The following PLOD3 variants were observed in gnomAD, a reference collection of about 807,000 sequenced individuals.
PLOD3 encodes procollagen-lysine,2-oxoglutarate 5-dioxygenase 3.
Under a neutral mutation model 96.9 loss-of-function variants are expected in PLOD3, and 73 were observed. The ratio of observed to expected loss-of-function variants is 0.75; its 90% confidence interval spans 0.62 to 0.92. PLOD3 has a LOEUF of 0.92. Ranked by LOEUF, PLOD3 falls within the 40% of genes least tolerant of loss-of-function variation. The probability of loss-of-function intolerance (pLI) is 0.00; values close to 1 mark genes in which losing one functional copy is unlikely to be tolerated. For missense variants in PLOD3, 1,004 were observed against 1,004.3 expected (o/e 1.00, Z 0.00); for synonymous variants, 454 against 413.7 (o/e 1.10, Z -1.18).
intron 17 of PLOD3, 135 bp from the exon 18 acceptor site, chr7:101,207,039 G>C (rs539170835): frequency 2.8e-6 from 3 of 1,085,398 alleles, no homozygotes; most frequent in East Asian, 2.6e-5. Flanking sequence ...ATCTTGGCTC[G>C]ATCTTGGCTC....
In PLOD3 at chr7:101,217,336, CAG is replaced by C; in HGVS notation, c.-64_-63del. On this transcript the variant is annotated 5_prime_UTR_variant, in exon 1 of 19. Coordinates refer to ENST00000223127, the MANE Select transcript of PLOD3 (RefSeq NM_001084.5). ...GGATCTCCGCTACGCGCCTGGATCC[CAG>C]CTCCGGAGGGGAGCTCTGGAAAGGG... 7.4e-7 allele frequency: 1 copy of C among 1,346,566 alleles called. No homozygotes were observed. Among genetic ancestry groups the C allele is most frequent in the Non-Finnish European group, 9.5e-7 (1 of 1,048,966 alleles). The allele number at this position is 1,346,566 out of a possible 1,614,324, so 83.4% of individuals were successfully genotyped here.
At chr7:101,214,524 C>A (rs561865282) in intron 6 of PLOD3, among the ~76,000 whole-genome samples, 4 of 152,288 alleles carry the variant, frequency 2.6e-5, no homozygotes, top group Non-Finnish European at 4.4e-5. Flanking sequence ...TAACCAGGGA[C>A]CTTCCCTTTG....
At position 101,217,362 on chromosome 7, in the gene PLOD3, G is replaced by C. The variant is rs1346443555; in HGVS notation, c.-88C>G. 2 of 1,285,784 alleles carry C rather than the reference G, an allele frequency of 1.6e-6. No homozygotes were observed. The highest frequency in any genetic ancestry group is 2.2e-5 in the South Asian group (1 of 45,012). The allele number at this position is 1,285,784 out of a possible 1,614,324, so 79.6% of individuals were successfully genotyped here. A position where few individuals can be genotyped will look rare whatever the true frequency, so the allele number is the denominator to read the frequency against. Reference sequence around the variant, plus strand: ...AGCTCCGGAGGGGAGCTCTGGAAAGGGGGCGCTCGGGCTGCTGTGCGGCCG... The same window carrying C: ...AGCTCCGGAGGGGAGCTCTGGAAAGCGGGCGCTCGGGCTGCTGTGCGGCCG... On this transcript the variant is annotated 5_prime_UTR_variant, in exon 1 of 19. Coordinates refer to ENST00000223127, the MANE Select transcript of PLOD3 (RefSeq NM_001084.5).
At chr7:101,209,036 AG>A (rs764814473) in intron 15 of PLOD3, 79 bp from the exon 16 acceptor site, 3 of 1,012,630 alleles carry the variant, frequency 3.0e-6, no homozygotes, top group Non-Finnish European at 4.7e-6. Flanking sequence ...CAGAATGGGA[AG>A]GGGCAGGGAG....
Position 101,206,308 on chromosome 7 carries a change from G to A in PLOD3, c.2190C>T (p.Tyr730=). 6.2e-7 allele frequency: 1 copy of A among 1,614,038 alleles called. No individual in the cohort carries two copies. The highest frequency in any genetic ancestry group is 8.5e-7 in the Non-Finnish European group (1 of 1,179,956). The part of the protein sequence containing the change: ...EGLPTTWGTR[Y]IMVSFVDP ...AGGGGTCGACAAAGGACACCATGATGTAGCGTGTGCCCCAGGTCGTTGGCA... is the reference window on the plus strand; with the variant it reads ...AGGGGTCGACAAAGGACACCATGATATAGCGTGTGCCCCAGGTCGTTGGCA... Residue 730 remains tyrosine (Y), a synonymous_variant, in exon 19 of 19, where the codon TAC becomes TAT. Transcript: ENST00000223127.
chr7:101,209,895 A>C (rs1798154105), intron 15 of PLOD3, 198 bp downstream of exon 15: 1 of 577,502 alleles, frequency 1.7e-6, no homozygotes, highest in Non-Finnish European at 3.1e-6. Flanking sequence ...CCCAATATAC[A>C]GGAGAAGAGG....
chr7:101,216,919 ACT>A, intron 1 of PLOD3, 133 bp from the exon 2 acceptor site: 4 of 785,234 alleles, frequency 5.1e-6, no homozygotes, highest in Non-Finnish European at 4.3e-6. Flanking sequence ...ACCCAGGAAC[ACT>A]CTGACCCCAA....
At position 101,217,208 on chromosome 7, in the gene PLOD3, A is replaced by T; in HGVS notation, c.67T>A (p.Ser23Thr). ...CGGCCCCGGGGCCGGTCGGAGGCTG[A>T]GGCCGCAGGGGGCAGCAGCAGCGGC... ...LLPLLLPPAA[S>T]ASDRPRGRDP... Residue 23 changes from serine (S) to threonine (T), a missense_variant, in exon 1 of 19, where the codon TCA becomes ACA. Ser to Thr is a moderately conservative substitution (Grantham distance 58). Around this residue, in one of 5 missense-constraint regions of PLOD3, gnomAD observed 690 missense variants for 650.2 expected, o/e 1.06. Coordinates refer to ENST00000223127, the MANE Select transcript of PLOD3 (RefSeq NM_001084.5). The T allele has an allele frequency of 6.7e-7, 1 of 1,500,424 alleles. No homozygotes were observed. Among genetic ancestry groups the T allele is most frequent in the Non-Finnish European group, 8.9e-7 (1 of 1,126,402 alleles). 92.9% of individuals were successfully genotyped at this position (1,500,424 alleles called of 1,614,324 possible). A position where few individuals can be genotyped will look rare whatever the true frequency, so the allele number is the denominator to read the frequency against.
chr7:101,210,898 T>G (rs1798171709), intron 12 of PLOD3: 1 of 550,170 alleles, frequency 1.8e-6, no homozygotes, highest in Admixed American at 3.1e-5. Context: ...TTTTGGTTTT[T>G]GAGACGGAGT....
At position 101,206,877 on chromosome 7, in the gene PLOD3, G is replaced by A. The variant is rs777964746; in HGVS notation, c.1963C>T (p.Arg655Cys). 30 of 1,559,842 alleles carry A rather than the reference G, an allele frequency of 1.9e-5. No homozygotes were observed. Among genetic ancestry groups the A allele is most frequent in the Admixed American group, 9.7e-5 (5 of 51,538 alleles). ...GACGGCTGCTCGTCTGGCCGGTAGCGAACCACAAAGTTCATCACCGCCCGC... is the reference window on the plus strand; with the variant it reads ...GACGGCTGCTCGTCTGGCCGGTAGCAAACCACAAAGTTCATCACCGCCCGC... ...KARAVMNFVV[R>C]YRPDEQPSLR... Residue 655 changes from arginine (R) to cysteine (C), a missense_variant, in exon 18 of 19, where the codon CGC (arginine) becomes TGC (cysteine). This residue lies in a region of PLOD3 where 222 missense variants were observed against 220.4 expected (regional missense o/e 1.01). Transcript: ENST00000223127.
Position 101,216,307 on chromosome 7 carries a change from C to T in PLOD3, c.358G>A (p.Gly120Ser), listed in dbSNP as rs759638439. 1.9e-6 allele frequency: 3 copies of T among 1,613,338 alleles called. No individual in the cohort carries two copies. The highest frequency in any genetic ancestry group is 1.1e-5 in the South Asian group (1 of 91,078). ...TTCTTCAGCAGCTCTGTGGGGCTGC[C>T]GGCCAGAATCACGTCGTAGCTGGGT... Reference protein sequence around the residue: ...FVDSYDVILAGSPTELLKKFV... With the variant: ...FVDSYDVILASSPTELLKKFV... The change falls in exon 4 of 19, where the codon GGC (glycine) becomes AGC (serine). Residue 120 changes from glycine (G) to serine (S), a missense_variant. Coordinates refer to ENST00000223127, the MANE Select transcript of PLOD3 (RefSeq NM_001084.5).
At position 101,217,524 on chromosome 7, in the gene PLOD3, C is replaced by A. The variant is rs1030845026; in HGVS notation, c.-250G>T. ...ACGGGAGGCGGGGGAGGGGCGGCGG[C>A]TCGGGCCGGCGGGCGGGAGACAGGG... On this transcript the variant is annotated 5_prime_UTR_variant, in exon 1 of 19. Coordinates refer to ENST00000223127, the MANE Select transcript of PLOD3 (RefSeq NM_001084.5). 2.1e-6 allele frequency: 1 copy of A among 473,114 alleles called. No homozygotes were observed. Among genetic ancestry groups the A allele is most frequent in the Non-Finnish European group, 3.7e-6 (1 of 270,410 alleles). The allele number at this position is 473,114 out of a possible 1,614,324, so 29.3% of individuals were successfully genotyped here.
intron 7 of PLOD3, 33 bp from the exon 8 acceptor site, chr7:101,212,976 G>T (rs1421764552): frequency 2.0e-6 from 3 of 1,511,438 alleles, no homozygotes; most frequent in Non-Finnish European, 2.8e-6. Context: ...GAGTGGCTGA[G>T]GCCTCCAGGG....
Position 101,215,875 on chromosome 7 carries a change from T to G in PLOD3, c.615+33A>C, listed in dbSNP as rs1798261368. The G allele has an allele frequency of 2.1e-6, 3 of 1,426,824 alleles. No individual in the cohort carries two copies. In the South Asian group the frequency reaches 3.4e-5, roughly 16 times the overall value. 88.4% of individuals were successfully genotyped at this position (1,426,824 alleles called of 1,614,324 possible). A position where few individuals can be genotyped will look rare whatever the true frequency, so the allele number is the denominator to read the frequency against. On this transcript the variant is annotated intron_variant, in intron 5 of 18. Coordinates refer to ENST00000223127, the MANE Select transcript of PLOD3 (RefSeq NM_001084.5). ...CCTGAGGCCTCCACTCCCACAGAGC[T>G]GCGGGATGCGCCCACTCCTCTGCCT...
Position 101,206,917 on chromosome 7 carries a change from A to AG in PLOD3, c.1936-14dup. ...TCACCGCCCGCGCCTGGGGGAGAGG[A>AG]GGGAAGAGGCTGCAGGGACAGCTGC... On this transcript the variant is annotated splice_polypyrimidine_tract_variant and intron_variant, in intron 17 of 18. Transcript: ENST00000223127. The AG allele has an allele frequency of 4.5e-6, 7 of 1,554,700 alleles. No homozygotes were observed. The highest frequency in any genetic ancestry group is 5.2e-6 in the Non-Finnish European group (6 of 1,148,648).
At position 101,216,792 on chromosome 7, in the gene PLOD3, AC is replaced by A; in HGVS notation, c.110-7del. On this transcript the variant is annotated splice_polypyrimidine_tract_variant and splice_region_variant and intron_variant, in intron 1 of 18. Coordinates refer to ENST00000223127, the MANE Select transcript of PLOD3 (RefSeq NM_001084.5). ...AGTGATCACCAGCAGCTTCTCTGTTACCAGAGGGAAATGGCACTTGAGATCC... is the reference window on the plus strand; with the variant it reads ...AGTGATCACCAGCAGCTTCTCTGTTACAGAGGGAAATGGCACTTGAGATCC... 1 of 1,606,934 alleles carries A rather than the reference AC, an allele frequency of 6.2e-7. No individual in the cohort carries two copies. The highest frequency in any genetic ancestry group is 8.5e-7 in the Non-Finnish European group (1 of 1,173,848).
chr7:101,207,557 G>A (rs781017479), intron 17 of PLOD3, 21 bp downstream of exon 17: 1 of 1,610,604 alleles, frequency 6.2e-7, no homozygotes, highest in Non-Finnish European at 8.5e-7. Context: ...TGGGGAGGCA[G>A]CTGGCAGGTG....
At chr7:101,212,187 C>A in intron 10 of PLOD3, 66 bp downstream of exon 10, 1 of 1,587,776 alleles carries the variant, frequency 6.3e-7, no homozygotes, top group Non-Finnish European at 8.6e-7. Context: ...GGCCAGGCAG[C>A]AGGTGGCAGC....
At chr7:101,211,340 CA>C (rs753437061) in intron 12 of PLOD3, 6 of 482,086 alleles carry the variant, frequency 1.2e-5, no homozygotes, top group Non-Finnish European at 2.3e-5. Context: ...CCACCGTGCC[CA>C]GCTAATATTT....
Sources: allele counts gnomAD v4.1 joint callset (sites outside exome capture counted in the v4.1 genomes callset), GRCh38; gene constraint gnomAD v4.1.1; regional missense constraint gnomAD v4.1.1; transcripts MANE v1.5; gene names NCBI Gene and HGNC (gene_info 2026-07-23, HGNC 2026-07-21).